NOXA1: variants seen among roughly 807,000 people sequenced by gnomAD.
The protein encoded by NOXA1 is NADPH oxidase activator 1.
Under a neutral mutation model 64.8 loss-of-function variants are expected in NOXA1, and 56 were observed. The observed-to-expected ratio is 0.86, with a 90% confidence interval of 0.70 to 1.08. The LOEUF (loss-of-function observed/expected upper bound fraction) is 1.08, where lower values mean the gene tolerates loss of function less well. NOXA1 is among the 50% of genes least tolerant of loss of function. The probability of loss-of-function intolerance (pLI) is 0.00; values close to 1 mark genes in which losing one functional copy is unlikely to be tolerated. For synonymous variants in NOXA1, 295 were observed against 294.8 expected (o/e 1.00, Z -0.01); for missense variants, 668 against 658.5 (o/e 1.01, Z -0.16).
At chr9:137,432,688 C>T (rs1049235530) in intron 8 of NOXA1, among the ~76,000 whole-genome samples, 5 of 152,244 alleles carry the variant, frequency 3.3e-5, no homozygotes, top group Non-Finnish European at 5.9e-5. Context: ...ACTCAGGGCA[C>T]ACGGTTAATG....
rs1443391425 is a variant in NOXA1, at chr9:137,423,425, C to A, written c.-105C>A. On this transcript the variant is annotated 5_prime_UTR_variant, in exon 1 of 14. Coordinates refer to ENST00000683555, the MANE Select transcript of NOXA1 (RefSeq NM_001256067.2). ...TTGCACCTGGCGCTTGGCGCCCGCA[C>A]CTCTGCCCGCCTCGGAGACCCCGCA... The A allele has an allele frequency of 4.1e-6, 3 of 728,062 alleles. No homozygotes were observed. The highest frequency in any genetic ancestry group is 1.9e-5 in the African/African-American group (1 of 52,976). The allele number at this position is 728,062 out of a possible 1,614,324, so 45.1% of individuals were successfully genotyped here. A position where few individuals can be genotyped will look rare whatever the true frequency, so the allele number is the denominator to read the frequency against.
At chr9:137,423,737 C>T in intron 1 of NOXA1, 31 bp downstream of exon 1, 2 of 1,240,926 alleles carry the variant, frequency 1.6e-6, no homozygotes, top group South Asian at 3.0e-5. Context: ...CCGGTGCGGG[C>T]GACGCCTCCG....
intron 1 of NOXA1, among the ~76,000 whole-genome samples, chr9:137,424,029 G>A (rs1455544635): frequency 1.3e-5 from 2 of 152,164 alleles, no homozygotes; most frequent in African/African-American, 4.8e-5. Context: ...GGGAGACCGG[G>A]TCAGTCTCCT....
intron 8 of NOXA1, among the ~76,000 whole-genome samples, chr9:137,432,275 G>C (rs1292449557): frequency 1.5e-5 from 1 of 67,244 alleles, no homozygotes; most frequent in Non-Finnish European, 2.9e-5. Flanking sequence ...GCAAGACCCT[G>C]TCTCAAAAAA....
chr9:137,426,473 C>T (rs1404262776), intron 2 of NOXA1, 143 bp downstream of exon 2: 2 of 691,784 alleles, frequency 2.9e-6, no homozygotes, highest in Non-Finnish European at 4.9e-6. Flanking sequence ...TCCAGGGAAA[C>T]CTGAGACTGT....
chr9:137,428,275 T>C, intron 3 of NOXA1, 134 bp downstream of exon 3: 1 of 641,638 alleles, frequency 1.6e-6, no homozygotes. Context: ...CCCTGGCCAC[T>C]CCTTGACCCG....
At position 137,431,424 on chromosome 9, in the gene NOXA1, A is replaced by T; in HGVS notation, c.804+83A>T. 8.7e-7 allele frequency: 1 copy of T among 1,146,404 alleles called. No individual in the cohort carries two copies. The highest frequency in any genetic ancestry group is 1.3e-5 in the South Asian group (1 of 78,106). The allele number at this position is 1,146,404 out of a possible 1,614,324, so 71.0% of individuals were successfully genotyped here. A position where few individuals can be genotyped will look rare whatever the true frequency, so the allele number is the denominator to read the frequency against. On this transcript the variant is annotated intron_variant, in intron 8 of 13. Coordinates refer to ENST00000683555, the MANE Select transcript of NOXA1 (RefSeq NM_001256067.2). The surrounding 1 kb of genome is among the most constrained non-coding windows in gnomAD (Gnocchi z 5.6). ...GACTGGGGACCACAATGGGACCAACATGAGGGTGGAGGGAGCAGCTCGCTG... is the reference window on the plus strand; with the variant it reads ...GACTGGGGACCACAATGGGACCAACTTGAGGGTGGAGGGAGCAGCTCGCTG...
At chr9:137,429,173 G>C (rs896059656) in intron 4 of NOXA1, 103 bp from the exon 5 acceptor site, 2 of 1,321,186 alleles carry the variant, frequency 1.5e-6, no homozygotes, top group East Asian at 5.2e-5. Flanking sequence ...GGAAGGGGGT[G>C]GGGGGCCCAA....
In NOXA1 at chr9:137,433,575, C is replaced by T. The variant is rs1279103311; in HGVS notation, c.1032C>T (p.Ala344=). 6.4e-7 allele frequency: 1 copy of T among 1,561,116 alleles called. No individual in the cohort carries two copies. Among genetic ancestry groups the T allele is most frequent in the Non-Finnish European group, 8.7e-7 (1 of 1,155,032 alleles). Residue 344 remains alanine, a synonymous_variant, in exon 11 of 14, where the codon GCC becomes GCT. Coordinates refer to ENST00000683555, the MANE Select transcript of NOXA1 (RefSeq NM_001256067.2). The stretch of plus-strand genomic sequence containing the variant: ...GCCTGCGGGCACTGCTGGGCCAAGC[C>T]CTCCCTCACCAGGCCCAGCTTGGGC... ...LSSLRALLGQ[A]LPHQAQLGQL... is the part of the protein sequence containing the mutation.
At chr9:137,428,534 T>C (rs557253750) in intron 3 of NOXA1, among the ~76,000 whole-genome samples, 436 of 151,728 alleles carry the variant, frequency 2.9e-3, no homozygotes, top group Middle Eastern at 0.027. Flanking sequence ...CCTGAAGCCT[T>C]CTGGGAATAG....
In NOXA1 at chr9:137,433,803, C is replaced by CACCCA. The variant is rs1839232691; in HGVS notation, c.1118_1119insACCCA (p.Leu374ProfsTer?). ...TGGGTCCCCATCCCCGAGGAGGAGTCGCTGCAGAGGGCCTGGCAGGACGCA... is the reference window on the plus strand; with the variant it reads ...TGGGTCCCCATCCCCGAGGAGGAGTCACCCAGCTGCAGAGGGCCTGGCAGGACGCA... On this transcript the variant is annotated frameshift_variant, in exon 12 of 14. Transcript: ENST00000683555. LOFTEE classifies it high-confidence loss of function. The CACCCA allele has an allele frequency of 6.9e-7, 1 of 1,453,138 alleles. No homozygotes were observed. Among genetic ancestry groups the CACCCA allele is most frequent in the Admixed American group, 2.8e-5 (1 of 35,718 alleles). 90.0% of individuals were successfully genotyped at this position (1,453,138 alleles called of 1,614,324 possible). A position where few individuals can be genotyped will look rare whatever the true frequency, so the allele number is the denominator to read the frequency against.
At chr9:137,429,488 G>C (rs1476972099) in intron 5 of NOXA1, 105 bp downstream of exon 5, 1 of 805,070 alleles carries the variant, frequency 1.2e-6, no homozygotes, top group East Asian at 2.8e-5. Flanking sequence ...GTAAGGGCCA[G>C]GAGGGTAGAG....
rs1839105426 is a variant in NOXA1, at chr9:137,431,420, C to T, written c.804+79C>T. Reference sequence around the variant, plus strand: ...CGCAGACTGGGGACCACAATGGGACCAACATGAGGGTGGAGGGAGCAGCTC... The same window carrying T: ...CGCAGACTGGGGACCACAATGGGACTAACATGAGGGTGGAGGGAGCAGCTC... On this transcript the variant is annotated intron_variant, in intron 8 of 13. Coordinates refer to ENST00000683555, the MANE Select transcript of NOXA1 (RefSeq NM_001256067.2). This position sits in a 1 kb window ranked among gnomAD's most constrained non-coding sequence, Gnocchi z 5.6. 1.7e-6 allele frequency: 2 copies of T among 1,196,098 alleles called. No individual in the cohort carries two copies. The highest frequency in any genetic ancestry group is 2.4e-6 in the Non-Finnish European group (2 of 824,106). The allele number at this position is 1,196,098 out of a possible 1,614,324, so 74.1% of individuals were successfully genotyped here.
chr9:137,428,038 A>G lies in NOXA1; in HGVS notation c.266A>G (p.Gln89Arg), dbSNP rs747403058. The change falls in exon 3 of 14, where the codon CAG (glutamine) becomes CGG (arginine). Residue 89 changes from glutamine to arginine, a missense_variant. Coordinates refer to ENST00000683555, the MANE Select transcript of NOXA1 (RefSeq NM_001256067.2). Reference protein sequence around the residue: ...GVANFQLARFQEALSDFWLAL... With the variant: ...GVANFQLARFREALSDFWLAL... The stretch of plus-strand genomic sequence containing the variant: ...GGGACCCCGGCTGCCCACAGGTTCC[A>G]GGAGGCTCTGTCTGACTTCTGGCTG... 6.4e-6 allele frequency: 10 copies of G among 1,573,174 alleles called. No homozygotes were observed. Among genetic ancestry groups the G allele is most frequent in the South Asian group, 3.5e-5 (3 of 85,762 alleles).
At chr9:137,432,679 C>T (rs893707386) in intron 8 of NOXA1, among the ~76,000 whole-genome samples, 1 of 152,246 alleles carries the variant, frequency 6.6e-6, no homozygotes, top group Non-Finnish European at 1.5e-5. Context: ...CAGTGCCCAA[C>T]TCAGGGCACA....
chr9:137,431,150 A>T lies in NOXA1; in HGVS notation c.698+50A>T, dbSNP rs751250248. On this transcript the variant is annotated intron_variant, in intron 7 of 13. Coordinates refer to ENST00000683555, the MANE Select transcript of NOXA1 (RefSeq NM_001256067.2). The surrounding 1 kb of genome is among the most constrained non-coding windows in gnomAD (Gnocchi z 5.6). ...CGAGCGCGTGCCTTTCCTGCTGGGC[A>T]GAGGCCCTCCACATGGGGCCACGCG... 6.2e-7 allele frequency: 1 copy of T among 1,612,336 alleles called. No individual in the cohort carries two copies. Among genetic ancestry groups the T allele is most frequent in the South Asian group, 1.1e-5 (1 of 91,046 alleles).
Position 137,429,412 on chromosome 9 carries a change from T to C in NOXA1, c.612+29T>C, listed in dbSNP as rs376595183. ...AAGGTGGGGACGGCGTCCTGGGGCA[T>C]GGCGGCTGGTGCTGAGCCCTCGAAC... On this transcript the variant is annotated intron_variant, in intron 5 of 13. Transcript: ENST00000683555. 2.0e-5 allele frequency: 30 copies of C among 1,465,296 alleles called. No individual in the cohort carries two copies. The African/African-American group carries it at 3.1e-4, about 15-fold the overall frequency. The allele number at this position is 1,465,296 out of a possible 1,614,324, so 90.8% of individuals were successfully genotyped here. A position where few individuals can be genotyped will look rare whatever the true frequency, so the allele number is the denominator to read the frequency against.
intron 2 of NOXA1, among the ~76,000 whole-genome samples, 158 bp downstream of exon 2, chr9:137,426,488 C>T (rs1156434247): frequency 1.3e-5 from 2 of 151,914 alleles, no homozygotes; most frequent in Non-Finnish European, 2.9e-5. Context: ...GACTGTGGCC[C>T]TCGCCTCTGC....
In NOXA1 at chr9:137,431,830, G is replaced by A. The variant is rs191459555; in HGVS notation, c.804+489G>A. On this transcript the variant is annotated intron_variant, in intron 8 of 13. Transcript: ENST00000683555. The surrounding 1 kb of genome is among the most constrained non-coding windows in gnomAD (Gnocchi z 5.6). ...AAGGCAGGAACCCCAGCTGCTCCCA[G>A]GGTGGCAGCCGTGGGCGGAGGCTCT... Among the ~76,000 whole-genome samples the A allele has an allele frequency of 6.6e-6, 1 of 152,190 alleles. No individual in the cohort carries two copies. Among genetic ancestry groups the A allele is most frequent in the Non-Finnish European group, 1.5e-5 (1 of 68,022 alleles).
Sources: gnomAD v4.1 joint callset for allele counts (sites outside exome capture counted in the v4.1 genomes callset) on GRCh38, gnomAD v4.1.1 for gene constraint, Gnocchi (gnomAD v3.1) non-coding constraint, MANE v1.5 for transcripts, NCBI Gene and HGNC (gene_info 2026-07-23, HGNC 2026-07-21) for gene names.